IL16: variants seen among roughly 807,000 people sequenced by gnomAD.
The protein encoded by IL16 is interleukin 16, also known as pro-interleukin-16.
A neutral mutation model predicts 110.1 loss-of-function variants in IL16; 67 were observed. The observed-to-expected ratio is 0.61, with a 90% CI of 0.50 to 0.75. The LOEUF is 0.75. Ranked by LOEUF, IL16 falls within the 30% of genes least tolerant of loss-of-function variation. The pLI is 0.00. For missense variants in IL16, 1,545 were observed against 1,655.0 expected (o/e 0.93, Z 1.15); for synonymous variants, 689 against 662.9 (o/e 1.04, Z -0.61).
chr15:81,259,340 T>C (rs567073814), intron 2 of IL16, among the ~76,000 whole-genome samples: 7 of 152,352 alleles, frequency 4.6e-5, no homozygotes, highest in Admixed American at 6.5e-5. Context: ...TCTCTAGTTC[T>C]TTTCTTCAGA....
At chr15:81,295,780 T>C (rs1011234604) in intron 12 of IL16, among the ~76,000 whole-genome samples, 1 of 152,232 alleles carries the variant, frequency 6.6e-6, no homozygotes, top group Non-Finnish European at 1.5e-5. Flanking sequence ...AGACCTTTGC[T>C]TCCTCCAAAA....
At chr15:81,263,346 A>AT (rs10717016) in intron 3 of IL16, among the ~76,000 whole-genome samples, 29 of 109,758 alleles carry the variant, frequency 2.6e-4, no homozygotes, top group South Asian at 9.8e-4. Flanking sequence ...TTCAAAAACT[A>AT]TTTTTTTTTG....
intron 10 of IL16, among the ~76,000 whole-genome samples, chr15:81,287,590 C>T (rs1353851514): frequency 6.6e-6 from 1 of 152,132 alleles, no homozygotes; most frequent in African/African-American, 2.4e-5. Context: ...GATATTTCCC[C>T]CCCAACTCAC....
In IL16 at chr15:81,300,460, C is replaced by G; in HGVS notation, c.3134C>G (p.Thr1045Arg). 6.2e-7 allele frequency: 1 copy of G among 1,612,362 alleles called. No individual in the cohort carries two copies. Among genetic ancestry groups the G allele is most frequent in the Non-Finnish European group, 8.5e-7 (1 of 1,178,600 alleles). The change falls in exon 14 of 19, where the codon ACA becomes AGA. Residue 1045 changes from threonine to arginine, a missense_variant. Physicochemically the swap from Thr to Arg is moderately conservative, Grantham distance 71 (BLOSUM62 -1). This residue lies in a region of IL16 where 356 missense variants were observed against 399.3 expected (regional missense o/e 0.89). Transcript: ENST00000683961. ...NGSAETSALD[T>R]GFSLNLSELR... The stretch of plus-strand genomic sequence containing the variant: ...TCTGCTGAAACATCTGCCTTGGACA[C>G]AGGGTTCTCGCTCAAGTGAGTTTCT...
At chr15:81,287,338 C>T (rs898379770) in intron 10 of IL16, among the ~76,000 whole-genome samples, 13 of 152,128 alleles carry the variant, frequency 8.5e-5, no homozygotes, top group African/African-American at 1.7e-4. Context: ...GGAGGTACCA[C>T]GGGGTGTCCA....
At chr15:81,242,123 A>C (rs989769067) in intron 2 of IL16, among the ~76,000 whole-genome samples, 6 of 152,102 alleles carry the variant, frequency 3.9e-5, no homozygotes, top group Non-Finnish European at 7.4e-5. Flanking sequence ...CAAATATCAC[A>C]CAGTGCTGAA....
intron 1 of IL16, among the ~76,000 whole-genome samples, chr15:81,183,315 A>G (rs539484499): frequency 6.6e-6 from 1 of 152,326 alleles, no homozygotes; most frequent in Admixed American, 6.5e-5. Context: ...TTTCAGCAGA[A>G]GCAGAACAGA....
In IL16 at chr15:81,310,332, TA is replaced by T. The variant is rs1207446328; in HGVS notation, c.*1536del. ...TGGACTCAAAACCCATCTGGGCTCCTAACCTTCCTGTAAACCCCTTTAGTGG... is the reference window on the plus strand; with the variant it reads ...TGGACTCAAAACCCATCTGGGCTCCTACCTTCCTGTAAACCCCTTTAGTGG... On this transcript the variant is annotated 3_prime_UTR_variant, in exon 19 of 19. Transcript: ENST00000683961. The T allele has an allele frequency of 1.3e-5, 2 of 152,246 alleles. No homozygotes were observed. Among genetic ancestry groups the T allele is most frequent in the Non-Finnish European group, 2.9e-5 (2 of 68,050 alleles). The allele number at this position is 152,246 out of a possible 1,614,324, so 9.4% of individuals were successfully genotyped here.
chr15:81,246,418 G>T (rs1365230329), intron 2 of IL16, among the ~76,000 whole-genome samples: 1 of 152,238 alleles, frequency 6.6e-6, no homozygotes, highest in East Asian at 1.9e-4. Flanking sequence ...CGTATAAAAT[G>T]AATACATACA....
chr15:81,253,586 G>A (rs149628967), intron 2 of IL16, among the ~76,000 whole-genome samples: 1,642 of 152,218 alleles, frequency 0.011, 21 homozygotes, highest in African/African-American at 0.038. Flanking sequence ...GACTTTTATA[G>A]TATTAGCTCT....
chr15:81,261,191 C>G (rs7171540), intron 3 of IL16, among the ~76,000 whole-genome samples: 82,985 of 152,164 alleles, frequency 0.55, 24,065 homozygotes, highest in African/African-American at 0.76. Flanking sequence ...TGAAAAGGCA[C>G]GATTGCTGTT....
rs747261613 is a variant in IL16 at position 81,296,565 on chromosome 15, A to G, written c.1903-363A>G. On this transcript the variant is annotated intron_variant, in intron 12 of 18. Coordinates refer to ENST00000683961, the MANE Select transcript of IL16 (RefSeq NM_172217.5). Reference sequence around the variant, plus strand: ...TGCTGCCTTGTTTCTACGCTGCCCTATACCCTCCCGGGGTGGGTAGTTCAC... The same window carrying G: ...TGCTGCCTTGTTTCTACGCTGCCCTGTACCCTCCCGGGGTGGGTAGTTCAC... 2.0e-5 allele frequency among the ~76,000 whole-genome samples: 3 copies of G among 152,132 alleles called. No individual in the cohort carries two copies. In the South Asian group the frequency reaches 6.2e-4, roughly 32 times the overall value.
rs141587687 is a variant in IL16 at position 81,222,617 on chromosome 15, C to G, written c.-101-2682C>G. 2.7e-3 allele frequency among the ~76,000 whole-genome samples: 412 copies of G among 152,098 alleles called. 1 individual carries two copies. The highest frequency in any genetic ancestry group is 3.9e-3 in the Non-Finnish European group (263 of 67,998). The stretch of plus-strand genomic sequence containing the variant: ...CTCTCTACATGGTCGCCCTCAGCAT[C>G]CCCATGTTTATATCTTTCCTGTTTA... On this transcript the variant is annotated intron_variant, in intron 1 of 18. Transcript: ENST00000683961.
chr15:81,262,882 G>A (rs112797520), intron 3 of IL16, among the ~76,000 whole-genome samples: 23,938 of 152,248 alleles, frequency 0.16, 2,240 homozygotes, highest in Middle Eastern at 0.23. Context: ...GGTGAGCCGA[G>A]ATTGTGCCAC....
In IL16 at chr15:81,308,686, C is replaced by T; in HGVS notation, c.3887C>T (p.Thr1296Ile). 6.2e-7 allele frequency: 1 copy of T among 1,613,734 alleles called. No individual in the cohort carries two copies. Among genetic ancestry groups the T allele is most frequent in the Non-Finnish European group, 8.5e-7 (1 of 1,179,600 alleles). ...GGTGGCACTGCCATGCAGGGCCTCACACGGTTTGAAGCCTGGAACATCATC... is the reference window on the plus strand; with the variant it reads ...GGTGGCACTGCCATGCAGGGCCTCATACGGTTTGAAGCCTGGAACATCATC... ...QLGGTAMQGLTRFEAWNIIKA... is the reference protein window; with the variant it reads ...QLGGTAMQGLIRFEAWNIIKA... Residue 1296 changes from threonine (T) to isoleucine (I), a missense_variant, in exon 19 of 19, where the codon ACA becomes ATA. Transcript: ENST00000683961.
At chr15:81,284,208 A>G (rs1464861309) in intron 9 of IL16, among the ~76,000 whole-genome samples, 1 of 152,080 alleles carries the variant, frequency 6.6e-6, no homozygotes, top group Non-Finnish European at 1.5e-5. Flanking sequence ...AATACTTTGC[A>G]CTCTAACATT....
At chr15:81,267,584 C>T (rs1334478908) in intron 4 of IL16, among the ~76,000 whole-genome samples, 2 of 151,910 alleles carry the variant, frequency 1.3e-5, no homozygotes, top group East Asian at 1.9e-4. Flanking sequence ...AGATCTTTAG[C>T]ATGAATTGAC....
chr15:81,288,215 G>C (rs1393573185), intron 10 of IL16, among the ~76,000 whole-genome samples: 1 of 152,068 alleles, frequency 6.6e-6, no homozygotes, highest in Non-Finnish European at 1.5e-5. Flanking sequence ...GCAGAGAGAA[G>C]AGAGCCAGGC....
chr15:81,192,175 C>A (rs896930867), upstream of IL16, among the ~76,000 whole-genome samples: 1 of 152,116 alleles, frequency 6.6e-6, no homozygotes, highest in African/African-American at 2.4e-5. Flanking sequence ...AAAGGTACCA[C>A]GCCAATGCAA....
Sources: gnomAD v4.1 joint callset for allele counts (sites outside exome capture counted in the v4.1 genomes callset) on GRCh38, gnomAD v4.1.1 for gene constraint, gnomAD v4.1.1 regional missense constraint, MANE v1.5 for transcripts, NCBI Gene and HGNC (gene_info 2026-07-23, HGNC 2026-07-21) for gene names.